Variants in POLR1B observed in about 807,000 individuals in gnomAD.
The protein encoded by POLR1B is DNA-directed RNA polymerase I subunit RPA2.
A neutral mutation model predicts 105.8 loss-of-function variants in POLR1B; 30 were observed. The ratio of observed to expected loss-of-function variants is 0.28; its 90% CI spans 0.21 to 0.38. The LOEUF (loss-of-function observed/expected upper bound fraction) is 0.38, where lower values mean the gene tolerates loss of function less well. Ranked by LOEUF, POLR1B falls within the 10% of genes least tolerant of loss-of-function variation. The pLI, the probability that POLR1B is intolerant of heterozygous loss-of-function variation, is 1.00. For synonymous variants in POLR1B, 485 were observed against 505.1 expected, an observed-to-expected ratio of 0.96 and a Z score of 0.53; for missense variants, 976 against 1,435.8, an observed-to-expected ratio of 0.68 and a Z score of 5.17.
chr2:112,562,423 G>A (rs1336089461), intron 9 of POLR1B, among the ~76,000 whole-genome samples: 1 of 152,012 alleles, frequency 6.6e-6, no homozygotes, highest in African/African-American at 2.4e-5. Flanking sequence ...ACTTCCACAA[G>A]CAATACAAAA....
chr2:112,564,079 G>A (rs1684153150), intron 9 of POLR1B, among the ~76,000 whole-genome samples: 1 of 139,224 alleles, frequency 7.2e-6, no homozygotes, highest in South Asian at 2.2e-4. Context: ...ACTAATCACA[G>A]ATCACCATAA....
At chr2:112,543,126 T>C (rs749536119) in intron 1 of POLR1B, among the ~76,000 whole-genome samples, 1 of 152,228 alleles carries the variant, frequency 6.6e-6, no homozygotes, top group African/African-American at 2.4e-5. Flanking sequence ...TCATTTGTTA[T>C]GAATTAAGCA....
At chr2:112,562,915 G>A (rs1285382070) in intron 9 of POLR1B, among the ~76,000 whole-genome samples, 2 of 151,368 alleles carry the variant, frequency 1.3e-5, no homozygotes, top group Non-Finnish European at 1.5e-5. Flanking sequence ...TTTTAGTAGC[G>A]ACGGGGTTTT....
chr2:112,571,412 T>C (rs1056616761), intron 12 of POLR1B, among the ~76,000 whole-genome samples: 12 of 152,208 alleles, frequency 7.9e-5, no homozygotes, highest in Non-Finnish European at 1.5e-5. Flanking sequence ...TACATTTTAA[T>C]TTTTTTCATT....
At chr2:112,555,476 C>G (rs367986705) in intron 7 of POLR1B, among the ~76,000 whole-genome samples, 4 of 152,102 alleles carry the variant, frequency 2.6e-5, no homozygotes, top group African/African-American at 9.7e-5. Flanking sequence ...GACAAAACTT[C>G]GTCTCTACAA....
chr2:112,574,202 A>C (rs1684745762), intron 14 of POLR1B, among the ~76,000 whole-genome samples: 1 of 152,078 alleles, frequency 6.6e-6, no homozygotes, highest in Admixed American at 6.6e-5. Context: ...TCTCACATAC[A>C]ATGTTAGCAA....
intron 7 of POLR1B, chr2:112,553,314 G>A (rs1683470538): frequency 6.6e-6 from 1 of 152,100 alleles, no homozygotes; most frequent in South Asian, 2.1e-4. Flanking sequence ...CCTTTTTGAG[G>A]TGCATTTGGT....
Position 112,575,281 on chromosome 2 carries a change from A to G in POLR1B, c.2960A>G (p.Glu987Gly). ...TTATATAGTGGCATCAGTGGGCTAGAACTGGAAGCAGACATCTTCATAGGA... is the reference window on the plus strand; with the variant it reads ...TTATATAGTGGCATCAGTGGGCTAGGACTGGAAGCAGACATCTTCATAGGA... The part of the protein sequence containing the change: ...ERLYSGISGL[E>G]LEADIFIGVV... The change falls in exon 15 of 15, where the codon GAA becomes GGA. Residue 987 changes from glutamate to glycine, a missense_variant. Around this residue, in one of 12 missense-constraint regions of POLR1B, gnomAD observed 40 missense variants for 49.6 expected, o/e 0.81. Transcript: ENST00000263331. This position sits in a 1 kb window ranked among gnomAD's most constrained non-coding sequence, Gnocchi z 5.3. The G allele has an allele frequency of 6.2e-7, 1 of 1,614,058 alleles. No homozygotes were observed. Among genetic ancestry groups the G allele is most frequent in the Non-Finnish European group, 8.5e-7 (1 of 1,180,012 alleles).
chr2:112,547,239 T>G, intron 2 of POLR1B, 60 bp downstream of exon 2: 1 of 1,584,504 alleles, frequency 6.3e-7, no homozygotes. Context: ...GTAGGGCGGG[T>G]GCCTAATAAA....
chr2:112,574,945 G>A lies in POLR1B; in HGVS notation c.2624G>A (p.Arg875Gln), dbSNP rs1684795234. ...KCVCITMRVP[R>Q]NPTIGDKFAS... ...GTTTGCATCACTATGAGAGTGCCTC[G>A]GAACCCAACTATCGGAGATAAATTT... The change falls in exon 15 of 15, where the codon CGG becomes CAG. Residue 875 changes from arginine (R) to glutamine (Q), a missense_variant. Arg to Gln is a conservative substitution (Grantham distance 43, BLOSUM62 1). Around this residue, in one of 12 missense-constraint regions of POLR1B, gnomAD observed 119 missense variants for 149.7 expected, o/e 0.79. Transcript: ENST00000263331. 1.2e-6 allele frequency: 2 copies of A among 1,614,040 alleles called. No homozygotes were observed. Among genetic ancestry groups the A allele is most frequent in the South Asian group, 1.1e-5 (1 of 91,076 alleles).
chr2:112,574,742 AAAAG>A (rs1684780433), intron 14 of POLR1B, 101 bp from the exon 15 acceptor site: 40 of 961,094 alleles, frequency 4.2e-5, no homozygotes, highest in South Asian at 7.5e-5. Context: ...AAAAAAAAAA[AAAAG>A]TTTTACAAAT....
At chr2:112,566,962 A>G (rs546297894) in intron 10 of POLR1B, among the ~76,000 whole-genome samples, 23 of 152,100 alleles carry the variant, frequency 1.5e-4, no homozygotes, top group African/African-American at 5.5e-4. Context: ...CGAACTCCTG[A>G]CCTCAAATGA....
At chr2:112,549,874 A>G (rs1242088682) in intron 4 of POLR1B, among the ~76,000 whole-genome samples, 1 of 152,214 alleles carries the variant, frequency 6.6e-6, no homozygotes, top group Non-Finnish European at 1.5e-5. Flanking sequence ...ACTACAAATG[A>G]TAACTATGGT....
chr2:112,547,780 C>G (rs186121302), intron 3 of POLR1B, among the ~76,000 whole-genome samples: 13 of 151,350 alleles, frequency 8.6e-5, no homozygotes, highest in Admixed American at 3.3e-4. Context: ...TATTATTGTT[C>G]GGGGGGAAGA....
At chr2:112,563,211 C>T (rs767879157) in intron 9 of POLR1B, among the ~76,000 whole-genome samples, 106 of 151,862 alleles carry the variant, frequency 7.0e-4, no homozygotes, top group Middle Eastern at 6.8e-3. Flanking sequence ...CCCGCCACCA[C>T]GCCCGGCTAA....
At chr2:112,559,095 T>C (rs1451780395) in intron 8 of POLR1B, among the ~76,000 whole-genome samples, 198 bp from the exon 9 acceptor site, 1 of 152,192 alleles carries the variant, frequency 6.6e-6, no homozygotes, top group Non-Finnish European at 1.5e-5. Flanking sequence ...TTGGGGCTAA[T>C]ACAGTTTGTG....
chr2:112,568,968 T>C, intron 12 of POLR1B, 66 bp downstream of exon 12: 2 of 1,464,026 alleles, frequency 1.4e-6, no homozygotes, highest in African/African-American at 1.4e-5. Flanking sequence ...CACACTCTTT[T>C]ATTGTCCTTA....
At chr2:112,546,498 T>C (rs972229857) in intron 1 of POLR1B, among the ~76,000 whole-genome samples, 17 of 147,596 alleles carry the variant, frequency 1.2e-4, no homozygotes, top group African/African-American at 3.7e-4. Context: ...TAATAATGCT[T>C]TGTGGTTTTA....
In POLR1B at chr2:112,551,873, G is replaced by T. The variant is rs781651612; in HGVS notation, c.861G>T (p.Arg287Ser). 10 of 1,613,918 alleles carry T rather than the reference G, an allele frequency of 6.2e-6. No individual in the cohort carries two copies. The Admixed American group carries it at 1.7e-4, about 27-fold the overall frequency. ...FLRNSVSQMLRIVMEEGCSTQ... is the reference protein window; with the variant it reads ...FLRNSVSQMLSIVMEEGCSTQ... Reference sequence around the variant, plus strand: ...GGAACTCTGTTTCTCAGATGTTAAGGATTGTAATGGAAGAGGGTTGTTCGA... The same window carrying T: ...GGAACTCTGTTTCTCAGATGTTAAGTATTGTAATGGAAGAGGGTTGTTCGA... The change falls in exon 6 of 15, where the codon AGG becomes AGT. Residue 287 changes from arginine to serine, a missense_variant. By Grantham distance (110) the Arg-to-Ser change is moderately radical (BLOSUM62 -1). Around this residue, in one of 12 missense-constraint regions of POLR1B, gnomAD observed 452 missense variants for 616.5 expected, o/e 0.73. Coordinates refer to ENST00000263331, the MANE Select transcript of POLR1B (RefSeq NM_019014.6).
Sources: gnomAD v4.1 joint callset for allele counts (sites outside exome capture counted in the v4.1 genomes callset) on GRCh38, gnomAD v4.1.1 for gene constraint, gnomAD v4.1.1 regional missense constraint, Gnocchi (gnomAD v3.1) non-coding constraint, MANE v1.5 for transcripts, NCBI Gene and HGNC (gene_info 2026-07-23, HGNC 2026-07-21) for gene names.